Variants in ALPK1 observed in about 807,000 individuals in gnomAD.
ALPK1 encodes the protein alpha-protein kinase 1.
Under a neutral mutation model 120.6 loss-of-function variants are expected in ALPK1, and 110 were observed. The ratio of observed to expected loss-of-function variants is 0.91; its 90% CI spans 0.78 to 1.07. The LOEUF is 1.07. Ranked by LOEUF, ALPK1 falls within the 50% of genes least tolerant of loss-of-function variation. The pLI is 0.00. For synonymous variants in ALPK1, 582 were observed against 560.3 expected, an observed-to-expected ratio of 1.04 and a Z score of -0.55; for missense variants, 1,498 against 1,483.9, an observed-to-expected ratio of 1.01 and a Z score of -0.16.
At chr4:112,400,742 T>C (rs1732870540) in intron 4 of ALPK1, among the ~76,000 whole-genome samples, 1 of 152,176 alleles carries the variant, frequency 6.6e-6, no homozygotes, top group Non-Finnish European at 1.5e-5. Context: ...GATAGGAGAA[T>C]GTGGTTTTCA....
At chr4:112,392,726 G>A (rs1465161678) in intron 4 of ALPK1, among the ~76,000 whole-genome samples, 1 of 152,004 alleles carries the variant, frequency 6.6e-6, no homozygotes, top group African/African-American at 2.4e-5. Flanking sequence ...GGGTTTCCCA[G>A]AGCCGTGTTT....
At chr4:112,371,591 G>A (rs573448821) in intron 2 of ALPK1, among the ~76,000 whole-genome samples, 69 of 152,282 alleles carry the variant, frequency 4.5e-4, no homozygotes, top group Middle Eastern at 3.4e-3. Flanking sequence ...ATCTGCCCTA[G>A]CTTTACTCAA....
Position 112,418,441 on chromosome 4 carries a change from A to C in ALPK1, c.476-5503A>C, listed in dbSNP as rs80067860. The stretch of plus-strand genomic sequence containing the variant: ...GCCGGGTTCGGCTGACCCTCTGCAC[A>C]ATGAGGAGACAGATGCTACAGAAGT... On this transcript the variant is annotated intron_variant, in intron 5 of 15. Coordinates refer to ENST00000650871, the MANE Select transcript of ALPK1 (RefSeq NM_025144.4). 3.7e-3 allele frequency among the ~76,000 whole-genome samples: 559 copies of C among 152,338 alleles called. 7 individuals are homozygous for C. The highest frequency in any genetic ancestry group is 0.013 in the African/African-American group (536 of 41,566).
intron 2 of ALPK1, chr4:112,357,011 C>A (rs76173085): frequency 2.3e-5 from 18 of 784,734 alleles, no homozygotes; most frequent in Non-Finnish European, 3.5e-5. Context: ...GCAGGGCCAG[C>A]CCCAACCGGA....
chr4:112,439,523 A>G (rs969388957), intron 13 of ALPK1, among the ~76,000 whole-genome samples, 163 bp from the exon 14 acceptor site: 2 of 152,228 alleles, frequency 1.3e-5, no homozygotes, highest in African/African-American at 2.4e-5. Context: ...AATCCCTTTA[A>G]CAAGCCTAAA....
chr4:112,419,169 A>T (rs1431573672), intron 5 of ALPK1, among the ~76,000 whole-genome samples: 1 of 152,234 alleles, frequency 6.6e-6, no homozygotes, highest in African/African-American at 2.4e-5. Context: ...GATAAAATTT[A>T]TTCGTGTAGG....
intron 3 of ALPK1, 102 bp from the exon 4 acceptor site, chr4:112,382,289 CTTTTTTT>C (rs34345428): frequency 8.4e-3 from 5,570 of 665,458 alleles, no homozygotes; most frequent in East Asian, 0.016. Flanking sequence ...AGGTTTTTCT[CTTTTTTT>C]TTTTTTTTTT....
chr4:112,340,593 A>G (rs1224671778), intron 2 of ALPK1, among the ~76,000 whole-genome samples: 1 of 152,234 alleles, frequency 6.6e-6, no homozygotes, highest in Non-Finnish European at 1.5e-5. Context: ...GGATTTTCTT[A>G]AACACTGTTA....
At chr4:112,363,195 T>A (rs1220367173) in intron 2 of ALPK1, among the ~76,000 whole-genome samples, 1 of 152,172 alleles carries the variant, frequency 6.6e-6, no homozygotes, top group African/African-American at 2.4e-5. Flanking sequence ...CACCAAGGTA[T>A]TCAGGTAACA....
rs1028694315 is a variant in ALPK1 at position 112,438,755 on chromosome 4, C to G, written c.3351+109C>G. 3 of 1,253,884 alleles carry G rather than the reference C, an allele frequency of 2.4e-6. No individual in the cohort carries two copies. The African/African-American group carries it at 4.5e-5, about 19-fold the overall frequency. 77.7% of individuals were successfully genotyped at this position (1,253,884 alleles called of 1,614,324 possible). On this transcript the variant is annotated intron_variant, in intron 13 of 15. Coordinates refer to ENST00000650871, the MANE Select transcript of ALPK1 (RefSeq NM_025144.4). ...CAGGCTAGCATTTTTAGCAAACTAT[C>G]CTTGTGTGTTGTCCCTGTACTTTCC...
At chr4:112,376,939 G>A (rs1187554964) in intron 2 of ALPK1, among the ~76,000 whole-genome samples, 1 of 152,112 alleles carries the variant, frequency 6.6e-6, no homozygotes, top group African/African-American at 2.4e-5. Flanking sequence ...GAATTTGTCA[G>A]GCATTTTTTT....
At chr4:112,310,332 G>A (rs901657362) in intron 1 of ALPK1, among the ~76,000 whole-genome samples, 2 of 152,084 alleles carry the variant, frequency 1.3e-5, no homozygotes, top group Non-Finnish European at 2.9e-5. Flanking sequence ...TAACATTTGA[G>A]AGGCTCCAGA....
rs115392707 is a variant in ALPK1, at chr4:112,420,170, A to G, written c.476-3774A>G. On this transcript the variant is annotated intron_variant, in intron 5 of 15. Transcript: ENST00000650871. ...AAAACCTCCTGCTGTCTCAGAGTTC[A>G]CACTCTAATGGGGAGACCCAGGCAA... is the stretch of plus-strand genomic sequence containing the variant. 7.3e-3 allele frequency among the ~76,000 whole-genome samples: 1,105 copies of G among 152,356 alleles called. 13 individuals are homozygous for G. The highest frequency in any genetic ancestry group is 0.025 in the African/African-American group (1,040 of 41,588).
At chr4:112,357,889 G>T in intron 2 of ALPK1, 1 of 1,148,242 alleles carries the variant, frequency 8.7e-7, no homozygotes, top group Non-Finnish European at 1.3e-6. Context: ...GCTGTTTGTG[G>T]AGCCCAGGAG....
chr4:112,306,796 T>C (rs1728085574), intron 1 of ALPK1, among the ~76,000 whole-genome samples: 1 of 152,068 alleles, frequency 6.6e-6, no homozygotes, highest in Non-Finnish European at 1.5e-5. Flanking sequence ...CTGCTAGCTT[T>C]TGAATGTGTT....
At chr4:112,310,537 A>C (rs1728349931) in intron 1 of ALPK1, among the ~76,000 whole-genome samples, 1 of 152,134 alleles carries the variant, frequency 6.6e-6, no homozygotes, top group South Asian at 2.1e-4. Flanking sequence ...ATTTAAAAAC[A>C]AGACTTTACT....
chr4:112,418,060 C>T (rs62314676), intron 5 of ALPK1, among the ~76,000 whole-genome samples: 147 of 152,272 alleles, frequency 9.7e-4, no homozygotes, highest in Non-Finnish European at 1.6e-3. Context: ...TAAAGAAGAA[C>T]TCTAAAGCGT....
chr4:112,417,311 C>A (rs2148753160), intron 5 of ALPK1, among the ~76,000 whole-genome samples: 1 of 152,154 alleles, frequency 6.6e-6, no homozygotes, highest in African/African-American at 2.4e-5. Context: ...GTGGTAAATA[C>A]ATTTAGCCAT....
At chr4:112,426,271 C>T in intron 7 of ALPK1, 196 bp from the exon 8 acceptor site, 1 of 379,226 alleles carries the variant, frequency 2.6e-6, no homozygotes, top group Non-Finnish European at 4.7e-6. Context: ...ATTCTGTTTC[C>T]CAGTGAAATG....
Sources: gnomAD v4.1 joint callset for allele counts (sites outside exome capture counted in the v4.1 genomes callset) on GRCh38, gnomAD v4.1.1 for gene constraint, MANE v1.5 for transcripts, NCBI Gene and HGNC (gene_info 2026-07-23, HGNC 2026-07-21) for gene names.